DNAJC13: variants seen among roughly 807,000 people sequenced by gnomAD.
DNAJC13 encodes DnaJ heat shock protein family (Hsp40) member C13, also known as dnaJ homolog subfamily C member 13.
A neutral mutation model predicts 290.5 loss-of-function variants in DNAJC13; 75 were observed. The ratio of observed to expected loss-of-function variants is 0.26; its 90% confidence interval spans 0.21 to 0.31. The LOEUF (loss-of-function observed/expected upper bound fraction) is 0.31, where lower values mean the gene tolerates loss of function less well. Among genes scored for constraint, DNAJC13 ranks in the 10% least tolerant of loss-of-function variants. The pLI, the probability that DNAJC13 is intolerant of heterozygous loss-of-function variation, is 1.00. For synonymous variants in DNAJC13, 862 were observed against 892.0 expected (o/e 0.97, Z 0.60); for missense variants, 2,260 against 2,674.5 (o/e 0.85, Z 3.42).
rs1180651951 is a variant in DNAJC13, at chr3:132,533,333, CTTTT to C, written c.6625+2253_6625+2256del. On this transcript the variant is annotated intron_variant, in intron 55 of 55. Coordinates refer to ENST00000260818, the MANE Select transcript of DNAJC13 (RefSeq NM_015268.4). ...AGGCGTGAGCCAGCATGCCCGCCCT[CTTTT>C]TTTTTTTTTTTTTTTTGAGACAGAG... Among the ~76,000 whole-genome samples, 13 of 115,696 alleles carry C rather than the reference CTTTT, an allele frequency of 1.1e-4. No homozygotes were observed. The East Asian group carries it at 2.3e-3, about 21-fold the overall frequency. 75.9% of individuals were successfully genotyped at this position (115,696 alleles called of 152,430 possible).
In DNAJC13 at chr3:132,447,311, T is replaced by C. The variant is rs750730460; in HGVS notation, c.145-10T>C. 6.5e-7 allele frequency: 1 copy of C among 1,546,318 alleles called. No homozygotes were observed. The highest frequency in any genetic ancestry group is 2.3e-5 in the East Asian group (1 of 42,596). ...ATAGTAGCACCAGTCAAAATTTTTT[T>C]TTTTTTAAGTGGCCTTATGGAGACA... On this transcript the variant is annotated splice_polypyrimidine_tract_variant and intron_variant, in intron 3 of 55. Coordinates refer to ENST00000260818, the MANE Select transcript of DNAJC13 (RefSeq NM_015268.4).
At chr3:132,423,272 C>T (rs1474747616) in intron 1 of DNAJC13, among the ~76,000 whole-genome samples, 1 of 152,162 alleles carries the variant, frequency 6.6e-6, no homozygotes, top group Admixed American at 6.5e-5. Context: ...AAGGAAGACC[C>T]TGTCTCTTAA....
In DNAJC13 at chr3:132,480,235, T is replaced by C. The variant is rs188663334; in HGVS notation, c.2773-134T>C. The C allele has an allele frequency of 1.3e-4, 71 of 529,156 alleles. No homozygotes were observed. The East Asian group carries it at 2.0e-3, about 15-fold the overall frequency. 32.8% of individuals were successfully genotyped at this position (529,156 alleles called of 1,614,324 possible). Reference sequence around the variant, plus strand: ...CAAGTAATACCAGTCGTATCACTTATTTCCAAGGACTCCAAACATTCTTTT... The same window carrying C: ...CAAGTAATACCAGTCGTATCACTTACTTCCAAGGACTCCAAACATTCTTTT... On this transcript the variant is annotated intron_variant, in intron 25 of 55. Transcript: ENST00000260818.
intron 38 of DNAJC13, among the ~76,000 whole-genome samples, chr3:132,500,483 A>G (rs988693038): frequency 1.3e-4 from 20 of 152,262 alleles, no homozygotes; most frequent in Admixed American, 1.2e-3. Flanking sequence ...TCTCTGTTAC[A>G]TTTTCTTTTG....
chr3:132,472,377 C>G (rs1934311089), intron 20 of DNAJC13, among the ~76,000 whole-genome samples: 1 of 152,164 alleles, frequency 6.6e-6, no homozygotes, highest in African/African-American at 2.4e-5. Flanking sequence ...TCTTTGAATT[C>G]TCAAAGGGTT....
chr3:132,500,681 G>C, intron 38 of DNAJC13, 113 bp from the exon 39 acceptor site: 1 of 1,387,894 alleles, frequency 7.2e-7, no homozygotes, highest in South Asian at 1.3e-5. Context: ...TTGGAACATT[G>C]TATATACCAT....
intron 1 of DNAJC13, among the ~76,000 whole-genome samples, chr3:132,418,540 A>G (rs1430761715): frequency 6.6e-6 from 1 of 152,214 alleles, no homozygotes; most frequent in Non-Finnish European, 1.5e-5. Flanking sequence ...GGAAAAAAGT[A>G]AAGATTTCAC....
chr3:132,517,331 A>G (rs1935949423), intron 48 of DNAJC13, among the ~76,000 whole-genome samples: 1 of 152,212 alleles, frequency 6.6e-6, no homozygotes, highest in Admixed American at 6.5e-5. Context: ...CTCTGGATCC[A>G]TGGTCCAGTT....
chr3:132,506,558 T>C (rs1559903921), intron 42 of DNAJC13, among the ~76,000 whole-genome samples: 1 of 130,320 alleles, frequency 7.7e-6, no homozygotes, highest in African/African-American at 3.0e-5. Flanking sequence ...TTTTTTTTTT[T>C]TTTTTTTTTT....
At chr3:132,530,411 G>C (rs1271657982) in intron 54 of DNAJC13, among the ~76,000 whole-genome samples, 1 of 152,192 alleles carries the variant, frequency 6.6e-6, no homozygotes, top group South Asian at 2.1e-4. Context: ...TCTTAGTTTA[G>C]TGCATATTCC....
Position 132,463,897 on chromosome 3 carries a change from G to A in DNAJC13, c.1892+80G>A, listed in dbSNP as rs1933892513. ...TCAGATGTTACATAAAACTAAATGT[G>A]TTTGTATTACACAAATAATACATTT... is the stretch of plus-strand genomic sequence containing the variant. On this transcript the variant is annotated intron_variant, in intron 17 of 55. Coordinates refer to ENST00000260818, the MANE Select transcript of DNAJC13 (RefSeq NM_015268.4). The A allele has an allele frequency of 2.8e-6, 4 of 1,439,382 alleles. No homozygotes were observed. The South Asian group carries it at 3.9e-5, about 14-fold the overall frequency. The allele number at this position is 1,439,382 out of a possible 1,614,324, so 89.2% of individuals were successfully genotyped here. A position where few individuals can be genotyped will look rare whatever the true frequency, so the allele number is the denominator to read the frequency against.
chr3:132,494,530 A>G (rs751881592), intron 34 of DNAJC13, among the ~76,000 whole-genome samples: 5 of 152,150 alleles, frequency 3.3e-5, no homozygotes, highest in Non-Finnish European at 5.9e-5. Flanking sequence ...TATCTGACAC[A>G]TGGTAGCCAT....
At chr3:132,520,415 A>G (rs1180517010) in intron 48 of DNAJC13, among the ~76,000 whole-genome samples, 1 of 152,174 alleles carries the variant, frequency 6.6e-6, no homozygotes, top group Admixed American at 6.5e-5. Flanking sequence ...TTTTTGCTCA[A>G]ATGTTTAATA....
At chr3:132,538,102 T>C in intron 55 of DNAJC13, 74 bp from the exon 56 acceptor site, 1 of 1,260,908 alleles carries the variant, frequency 7.9e-7, no homozygotes, top group Non-Finnish European at 1.1e-6. Context: ...GAGCAGGTTC[T>C]GACATTTTTA....
chr3:132,460,037 G>C (rs1223750621), intron 13 of DNAJC13, among the ~76,000 whole-genome samples: 4 of 152,162 alleles, frequency 2.6e-5, no homozygotes, highest in African/African-American at 9.6e-5. Flanking sequence ...TGAGTTAATT[G>C]TTGGGCAAAT....
chr3:132,526,735 A>G (rs1936268131), intron 53 of DNAJC13, among the ~76,000 whole-genome samples: 1 of 152,208 alleles, frequency 6.6e-6, no homozygotes, highest in Non-Finnish European at 1.5e-5. Context: ...TGCCTTTTTC[A>G]AAGAGACTAT....
intron 2 of DNAJC13, among the ~76,000 whole-genome samples, chr3:132,445,250 T>TTAAA (rs1933205450): frequency 6.6e-6 from 1 of 152,094 alleles, no homozygotes; most frequent in Non-Finnish European, 1.5e-5. Flanking sequence ...GCATTTTTGA[T>TTAAA]AATTAAAAAA....
chr3:132,457,754 G>GGACA (rs1397963850), intron 13 of DNAJC13: 1 of 157,122 alleles, frequency 6.4e-6, no homozygotes, highest in African/African-American at 2.4e-5. Context: ...GAATCTTGAA[G>GGACA]GACAGGCAGG....
Position 132,523,636 on chromosome 3 carries a change from G to C in DNAJC13, c.5983G>C (p.Val1995Leu), listed in dbSNP as rs10935014. Reference sequence around the variant, plus strand: ...GATCTTTATTGCACAACCAGCCTGGGTTCTAAGAAAGCCTAGAGAATTTCT... The same window carrying C: ...GATCTTTATTGCACAACCAGCCTGGCTTCTAAGAAAGCCTAGAGAATTTCT... ...LRIFIAQPAW[V>L]LRKPREFLIA... is the part of the protein sequence containing the mutation. Residue 1995 changes from valine (V) to leucine (L), a missense_variant, in exon 51 of 56, where the codon GTT becomes CTT. Physicochemically the swap from Val to Leu is conservative, Grantham distance 32. Coordinates refer to ENST00000260818, the MANE Select transcript of DNAJC13 (RefSeq NM_015268.4). 1,755 of 1,614,080 alleles carry C rather than the reference G, an allele frequency of 1.1e-3. 6 individuals are homozygous for C. The highest frequency in any genetic ancestry group is 3.5e-3 in the South Asian group (323 of 91,066).
Sources: gnomAD v4.1 joint callset for allele counts (sites outside exome capture counted in the v4.1 genomes callset) on GRCh38, gnomAD v4.1.1 for gene constraint, MANE v1.5 for transcripts, NCBI Gene and HGNC (gene_info 2026-07-23, HGNC 2026-07-21) for gene names.